The following IFT140 variants were observed in gnomAD, a reference collection of about 807,000 sequenced individuals.
IFT140 encodes the protein intraflagellar transport 140.
A neutral mutation model predicts 164.6 loss-of-function variants in IFT140; 133 were observed. The observed-to-expected ratio is 0.81, with a 90% CI of 0.70 to 0.93. The LOEUF (loss-of-function observed/expected upper bound fraction) is 0.93, where lower values mean the gene tolerates loss of function less well. IFT140 is among the 40% of genes least tolerant of loss of function. The pLI, the probability that IFT140 is intolerant of heterozygous loss-of-function variation, is 0.00. For synonymous variants in IFT140, 860 were observed against 817.3 expected, an observed-to-expected ratio of 1.05 and a Z score of -0.89; for missense variants, 2,045 against 1,972.3, an observed-to-expected ratio of 1.04 and a Z score of -0.70.
intron 13 of IFT140, among the ~76,000 whole-genome samples, chr16:1,579,982 A>G (rs1318450710): frequency 6.7e-6 from 1 of 148,702 alleles, no homozygotes; most frequent in Non-Finnish European, 1.5e-5. Flanking sequence ...AAAAAAAAAG[A>G]GAACCTCTTA....
chr16:1,548,457 A>C (rs2032356028), intron 19 of IFT140, among the ~76,000 whole-genome samples: 1 of 152,224 alleles, frequency 6.6e-6, no homozygotes, highest in South Asian at 2.1e-4. Context: ...GGCTCACAGG[A>C]AGAGGTTGTT....
chr16:1,525,305 G>C lies in IFT140; in HGVS notation c.2790C>G (p.His930Gln). Residue 930 changes from histidine to glutamine, a missense_variant, in exon 22 of 31, where the codon CAC becomes CAG. Physicochemically the swap from His to Gln is conservative, Grantham distance 24. Transcript: ENST00000426508. ...ALSYYEKSDT[H>Q]RFEVPRMLSE... ...ACAGCATCCTGGGCACCTCGAAGCG[G>C]TGCGTGTCCGACTTCTCGTAGCTGT... The C allele has an allele frequency of 6.2e-7, 1 of 1,612,370 alleles. No individual in the cohort carries two copies. Among genetic ancestry groups the C allele is most frequent in the South Asian group, 1.1e-5 (1 of 91,080 alleles).
In IFT140 at chr16:1,586,208, G is replaced by A. The variant is rs757481448; in HGVS notation, c.1077C>T (p.Gly359=). ...AMWRKVPDFL[G]SPGAEGKDRW... ...TGTCCTTGCCCTCTGCCCCGGGGCT[G>A]CCCAGGAAGTCTGGTACTTTCCTCC... The change falls in exon 10 of 31, where the codon GGC becomes GGT. Residue 359 remains glycine (G), a synonymous_variant. Coordinates refer to ENST00000426508, the MANE Select transcript of IFT140 (RefSeq NM_014714.4). The A allele has an allele frequency of 2.5e-6, 4 of 1,614,070 alleles. No individual in the cohort carries two copies. The highest frequency in any genetic ancestry group is 3.3e-5 in the Admixed American group (2 of 60,026).
intron 6 of IFT140, among the ~76,000 whole-genome samples, chr16:1,591,605 T>C (rs948630723): frequency 1.3e-5 from 2 of 152,206 alleles, no homozygotes; most frequent in South Asian, 2.1e-4. Flanking sequence ...GATGCGCTTT[T>C]TCTTTTAACT....
intron 19 of IFT140, among the ~76,000 whole-genome samples, chr16:1,556,105 CAAAACAAAAAACA>C (rs373528550): frequency 9.2e-5 from 14 of 152,214 alleles, no homozygotes; most frequent in African/African-American, 3.1e-4. Context: ...GACTCCGTCT[CAAAACAAAAAACA>C]AAAACAAAAA....
chr16:1,592,214 G>C lies in IFT140; in HGVS notation c.596C>G (p.Ser199Cys). 1 of 1,614,154 alleles carries C rather than the reference G, an allele frequency of 6.2e-7. No individual in the cohort carries two copies. The highest frequency in any genetic ancestry group is 8.5e-7 in the Non-Finnish European group (1 of 1,180,032). ...SSSGSLLKMG[S>C]HEGLLFFVSL... Reference sequence around the variant, plus strand: ...GACAAAGAACAACAGCCCCTCGTGAGACCCCATCTTCAGCAAACTTCCAGA... The same window carrying C: ...GACAAAGAACAACAGCCCCTCGTGACACCCCATCTTCAGCAAACTTCCAGA... Residue 199 changes from serine (S) to cysteine (C), a missense_variant, in exon 6 of 31, where the codon TCT becomes TGT. By Grantham distance (112) the Ser-to-Cys change is moderately radical (BLOSUM62 -1). Coordinates refer to ENST00000426508, the MANE Select transcript of IFT140 (RefSeq NM_014714.4).
At chr16:1,561,686 A>C (rs1055656838) in intron 18 of IFT140, among the ~76,000 whole-genome samples, 1 of 152,274 alleles carries the variant, frequency 6.6e-6, no homozygotes, top group African/African-American at 2.4e-5. Context: ...GCAAGGGGGA[A>C]GGGTGCAGAG....
chr16:1,611,095 G>T (rs866464023), intron 1 of IFT140, among the ~76,000 whole-genome samples: 2 of 152,354 alleles, frequency 1.3e-5, no homozygotes, highest in Middle Eastern at 6.8e-3. Context: ...CGTGGGTCAA[G>T]CGTTTCTGGG....
At chr16:1,537,385 G>A (rs946182860) in intron 19 of IFT140, among the ~76,000 whole-genome samples, 8 of 152,338 alleles carry the variant, frequency 5.3e-5, no homozygotes, top group Non-Finnish European at 7.4e-5. Flanking sequence ...TCCAGCGCTC[G>A]TCACTCGCAA....
intron 24 of IFT140, 22 bp from the exon 25 acceptor site, chr16:1,523,978 C>A (rs1335912672): frequency 6.2e-7 from 1 of 1,605,404 alleles, no homozygotes; most frequent in African/African-American, 1.3e-5. Context: ...GAGGCAGGGC[C>A]CTGAAGCGGC....
chr16:1,576,317 T>C (rs12444529), intron 13 of IFT140, among the ~76,000 whole-genome samples: 27,489 of 140,988 alleles, frequency 0.19, 3,290 homozygotes, highest in African/African-American at 0.34. Context: ...TATGGCCGGG[T>C]GCAGTGGCTC....
rs1355111652 is a variant in IFT140, at chr16:1,553,623, C to T, written c.2399+4312G>A. On this transcript the variant is annotated intron_variant, in intron 19 of 30. Transcript: ENST00000426508. This position sits in a 1 kb window ranked among gnomAD's most constrained non-coding sequence, Gnocchi z 4.4. ...ACTTTGGGTACAAGAAACAGACTCA[C>T]TCAGGTTACTGTAACAGAGAGGGAG... 3 of 1,041,402 alleles carry T rather than the reference C, an allele frequency of 2.9e-6. No individual in the cohort carries two copies. The highest frequency in any genetic ancestry group is 1.6e-4 in the East Asian group (2 of 12,890). 64.5% of individuals were successfully genotyped at this position (1,041,402 alleles called of 1,614,324 possible).
chr16:1,518,113 C>T, intron 30 of IFT140, 103 bp downstream of exon 30: 2 of 1,197,696 alleles, frequency 1.7e-6, no homozygotes, highest in Non-Finnish European at 1.2e-6. Flanking sequence ...GCTGGGATTA[C>T]AGGAGTGAGC....
chr16:1,543,775 T>C (rs2031885471), intron 19 of IFT140, among the ~76,000 whole-genome samples: 1 of 152,204 alleles, frequency 6.6e-6, no homozygotes, highest in African/African-American at 2.4e-5. Context: ...CGGGGCCCTC[T>C]GCTGACCCGA....
chr16:1,602,238 T>C (rs917291909), intron 4 of IFT140, 132 bp downstream of exon 4: 3 of 823,792 alleles, frequency 3.6e-6, no homozygotes, highest in African/African-American at 3.4e-5. Context: ...TAAAACAAAA[T>C]CTACAATTGC....
At chr16:1,569,219 A>G (rs1477554581) in intron 14 of IFT140, among the ~76,000 whole-genome samples, 3 of 151,910 alleles carry the variant, frequency 2.0e-5, no homozygotes, top group East Asian at 3.9e-4. Flanking sequence ...GTGTTAGCCA[A>G]GATGGTCTCG....
intron 21 of IFT140, 130 bp from the exon 22 acceptor site, chr16:1,525,456 A>G: frequency 1.4e-6 from 1 of 715,704 alleles, no homozygotes; most frequent in Non-Finnish European, 2.5e-6. Flanking sequence ...CCTGGCCTGC[A>G]GCTCTGCAGA....
chr16:1,527,162 T>G (rs1439811561), intron 19 of IFT140: 1 of 251,154 alleles, frequency 4.0e-6, no homozygotes, highest in Non-Finnish European at 7.6e-6. Flanking sequence ...AGACAAAGCC[T>G]CCTGCTCTCA....
chr16:1,525,238 T>C lies in IFT140; in HGVS notation c.2857A>G (p.Lys953Glu), dbSNP rs2040651188. 6.2e-7 allele frequency: 1 copy of C among 1,611,284 alleles called. No individual in the cohort carries two copies. ...CCTGGTGGGGACACTCACTTATCCTTCATTTTATTCACGTAGAGCTCCAGG... is the reference window on the plus strand; with the variant it reads ...CCTGGTGGGGACACTCACTTATCCTCCATTTTATTCACGTAGAGCTCCAGG... ...PSLELYVNKM[K>E]DKTLWRWWAQ... The change falls in exon 22 of 31, where the codon AAG (lysine) becomes GAG (glutamate). Residue 953 changes from lysine (K) to glutamate (E), a missense_variant. Coordinates refer to ENST00000426508, the MANE Select transcript of IFT140 (RefSeq NM_014714.4).
Sources: allele counts gnomAD v4.1 joint callset (sites outside exome capture counted in the v4.1 genomes callset), GRCh38; gene constraint gnomAD v4.1.1; non-coding constraint Gnocchi (gnomAD v3.1); transcripts MANE v1.5; gene names NCBI Gene and HGNC (gene_info 2026-07-23, HGNC 2026-07-21).